Variants in CCDC148 observed in about 807,000 individuals in gnomAD.
CCDC148 encodes the protein coiled-coil domain containing 148.
CCDC148 carries 89 observed loss-of-function variants against 85.7 expected under a neutral mutation model. The observed-to-expected ratio is 1.04, with a 90% confidence interval of 0.87 to 1.24. The LOEUF is 1.24. Ranked by LOEUF, CCDC148 falls within the 50% of genes most tolerant of loss-of-function variation. The probability of loss-of-function intolerance (pLI) is 0.00; values close to 1 mark genes in which losing one functional copy is unlikely to be tolerated. For synonymous variants in CCDC148, 230 were observed against 213.9 expected (o/e 1.08, Z -0.66); for missense variants, 692 against 671.7 (o/e 1.03, Z -0.33).
intron 9 of CCDC148, among the ~76,000 whole-genome samples, chr2:158,295,857 G>T (rs902984268): frequency 1.3e-5 from 2 of 151,776 alleles, no homozygotes; most frequent in Non-Finnish European, 2.9e-5. Context: ...TCAACATAGT[G>T]TTGGAAGTTC....
chr2:158,358,580 A>C lies in CCDC148; in HGVS notation c.26-10T>G. The C allele has an allele frequency of 6.6e-7, 1 of 1,515,630 alleles. No individual in the cohort carries two copies. Among genetic ancestry groups the C allele is most frequent in the South Asian group, 1.3e-5 (1 of 78,994 alleles). 93.9% of individuals were successfully genotyped at this position (1,515,630 alleles called of 1,614,324 possible). ...TGGAATACCAGATTATCTATTAGTC[A>C]TAAAAATAGAAAAATGACAAAGAAA... On this transcript the variant is annotated splice_polypyrimidine_tract_variant and intron_variant, in intron 1 of 13. Transcript: ENST00000283233.
chr2:158,414,694 T>C (rs1227592484), intron 1 of CCDC148, among the ~76,000 whole-genome samples: 1 of 152,190 alleles, frequency 6.6e-6, no homozygotes, highest in Non-Finnish European at 1.5e-5. Context: ...ATGTGCAATG[T>C]TAGAAATGAG....
At position 158,171,734 on chromosome 2, in the gene CCDC148, C is replaced by T. The variant is rs1684329503; in HGVS notation, c.*379G>A. ...GCTTCCATAATTAAAAAGTCAAATT[C>T]TGAAATAACAAGCAGAAATGAACAT... On this transcript the variant is annotated 3_prime_UTR_variant, in exon 14 of 14. Coordinates refer to ENST00000283233, the MANE Select transcript of CCDC148 (RefSeq NM_138803.4). 6.5e-6 allele frequency: 1 copy of T among 152,900 alleles called. No homozygotes were observed. Among genetic ancestry groups the T allele is most frequent in the East Asian group, 1.9e-4 (1 of 5,176 alleles). The allele number at this position is 152,900 out of a possible 1,614,324, so 9.5% of individuals were successfully genotyped here. A position where few individuals can be genotyped will look rare whatever the true frequency, so the allele number is the denominator to read the frequency against.
chr2:158,221,525 G>A (rs1687182765), intron 10 of CCDC148, among the ~76,000 whole-genome samples: 1 of 152,210 alleles, frequency 6.6e-6, no homozygotes, highest in Admixed American at 6.5e-5. Context: ...GCTCTTGCAG[G>A]TGAGTACCTC....
Position 158,357,686 on chromosome 2 carries a change from C to T in CCDC148, c.147+763G>A, listed in dbSNP as rs181729193. Among the ~76,000 whole-genome samples, 394 of 152,118 alleles carry T rather than the reference C, an allele frequency of 2.6e-3. 1 individual carries two copies. The highest frequency in any genetic ancestry group is 4.3e-3 in the Non-Finnish European group (292 of 67,984). ...TGAGGAGATATGTCCCATGAATATACGGTAATCTCTCCAGAATAGAGTATC... is the reference window on the plus strand; with the variant it reads ...TGAGGAGATATGTCCCATGAATATATGGTAATCTCTCCAGAATAGAGTATC... On this transcript the variant is annotated intron_variant, in intron 2 of 13. Transcript: ENST00000283233.
At chr2:158,397,683 T>C (rs1165621339) in intron 1 of CCDC148, among the ~76,000 whole-genome samples, 1 of 152,002 alleles carries the variant, frequency 6.6e-6, no homozygotes, top group Admixed American at 6.6e-5. Flanking sequence ...ACATGCCAAA[T>C]TGTAAAGACC....
intron 1 of CCDC148, among the ~76,000 whole-genome samples, chr2:158,379,562 A>G (rs923346105): frequency 2.0e-5 from 3 of 152,168 alleles, no homozygotes; most frequent in African/African-American, 7.2e-5. Context: ...GAAATCTTTC[A>G]TGAAAGGAAG....
In CCDC148 at chr2:158,310,411, A is replaced by G. The variant is rs533534858; in HGVS notation, c.904-772T>C. 3.9e-4 allele frequency among the ~76,000 whole-genome samples: 60 copies of G among 152,290 alleles called. 1 individual carries two copies. In the South Asian group the frequency reaches 0.012, roughly 31 times the overall value. On this transcript the variant is annotated intron_variant, in intron 8 of 13. Transcript: ENST00000283233. Reference sequence around the variant, plus strand: ...ATGCGACAAAACTGCCATCCTCATCATGGCCCGTTCTCAATGAGCTGTTGG... The same window carrying G: ...ATGCGACAAAACTGCCATCCTCATCGTGGCCCGTTCTCAATGAGCTGTTGG...
chr2:158,345,217 G>A lies in CCDC148; in HGVS notation c.249C>T (p.Val83=). 1.9e-6 allele frequency: 3 copies of A among 1,611,412 alleles called. No homozygotes were observed. The highest frequency in any genetic ancestry group is 2.2e-5 in the East Asian group (1 of 44,726). ...TTACTATGTCCCCCAGTTCTTACCTGACTTCATTCAGCCTCTGGTATTCCT... is the reference window on the plus strand; with the variant it reads ...TTACTATGTCCCCCAGTTCTTACCTAACTTCATTCAGCCTCTGGTATTCCT... The part of the protein sequence containing the change: ...WWQEYQRLNE[V]RCKMESEIKS... The change falls in exon 3 of 14, where the codon GTC becomes GTT. Residue 83 remains valine (V), a splice_region_variant and synonymous_variant. Transcript: ENST00000283233.
chr2:158,182,699 C>T (rs1357834713), intron 11 of CCDC148, among the ~76,000 whole-genome samples: 1 of 152,112 alleles, frequency 6.6e-6, no homozygotes, highest in Non-Finnish European at 1.5e-5. Context: ...ACTTAGGAGA[C>T]ACACTCAAAT....
intron 9 of CCDC148, among the ~76,000 whole-genome samples, chr2:158,290,291 T>G (rs1046093029): frequency 6.6e-6 from 1 of 152,160 alleles, no homozygotes; most frequent in African/African-American, 2.4e-5. Context: ...ATTGTCAGTA[T>G]ACAATCACAT....
At chr2:158,298,542 A>C (rs1284758662) in intron 9 of CCDC148, among the ~76,000 whole-genome samples, 1 of 151,544 alleles carries the variant, frequency 6.6e-6, no homozygotes, top group African/African-American at 2.4e-5. Flanking sequence ...CTCTATTCTC[A>C]CTTTCACTTT....
chr2:158,396,637 C>A lies in CCDC148; in HGVS notation c.26-38067G>T, dbSNP rs193172863. On this transcript the variant is annotated intron_variant, in intron 1 of 13. Transcript: ENST00000283233. Reference sequence around the variant, plus strand: ...CAGGCAATTTGCTTCACCTGCAGAGCCTCAGCATCTTCAACTCTACAAGAG... The same window carrying A: ...CAGGCAATTTGCTTCACCTGCAGAGACTCAGCATCTTCAACTCTACAAGAG... Among the ~76,000 whole-genome samples, 172 of 152,232 alleles carry A rather than the reference C, an allele frequency of 1.1e-3. 1 individual carries two copies. Among genetic ancestry groups the A allele is most frequent in the African/African-American group, 3.9e-3 (163 of 41,558 alleles).
chr2:158,211,329 A>G (rs1009672565), intron 11 of CCDC148, among the ~76,000 whole-genome samples: 4 of 152,240 alleles, frequency 2.6e-5, no homozygotes, highest in Non-Finnish European at 5.9e-5. Flanking sequence ...CACAGCACCT[A>G]GATGTTCTAT....
intron 9 of CCDC148, among the ~76,000 whole-genome samples, chr2:158,297,063 C>A (rs567538405): frequency 6.6e-6 from 1 of 152,198 alleles, no homozygotes; most frequent in Non-Finnish European, 1.5e-5. Flanking sequence ...AAATTCATCA[C>A]TAGCACTGAT....
At chr2:158,400,506 T>G (rs769739818) in intron 1 of CCDC148, among the ~76,000 whole-genome samples, 2 of 152,200 alleles carry the variant, frequency 1.3e-5, no homozygotes, top group African/African-American at 4.8e-5. Context: ...GCTAACCATA[T>G]GCAGAAAGCT....
chr2:158,210,716 G>T (rs1446813633), intron 11 of CCDC148, among the ~76,000 whole-genome samples: 1 of 149,454 alleles, frequency 6.7e-6, no homozygotes, highest in Non-Finnish European at 1.5e-5. Flanking sequence ...GGCCGAGGCA[G>T]GCAGATCACG....
At chr2:158,366,661 A>G (rs541044952) in intron 1 of CCDC148, among the ~76,000 whole-genome samples, 1 of 152,164 alleles carries the variant, frequency 6.6e-6, no homozygotes, top group South Asian at 2.1e-4. Flanking sequence ...GGCCCAATGT[A>G]GGACACTCTG....
At position 158,360,549 on chromosome 2, in the gene CCDC148, C is replaced by T. The variant is rs145346718; in HGVS notation, c.26-1979G>A. Among the ~76,000 whole-genome samples the T allele has an allele frequency of 7.4e-3, 1,128 of 152,232 alleles. 20 individuals carry two copies. Among genetic ancestry groups the T allele is most frequent in the African/African-American group, 0.026 (1,076 of 41,514 alleles). ...GGTAAACAGAGTCTGGAGTGGACCT[C>T]CAGCAAACTCTAGCAGACCTGCAGC... is the stretch of plus-strand genomic sequence containing the variant. On this transcript the variant is annotated intron_variant, in intron 1 of 13. Coordinates refer to ENST00000283233, the MANE Select transcript of CCDC148 (RefSeq NM_138803.4).
Sources: allele counts gnomAD v4.1 joint callset (sites outside exome capture counted in the v4.1 genomes callset), GRCh38; gene constraint gnomAD v4.1.1; transcripts MANE v1.5; gene names NCBI Gene and HGNC (gene_info 2026-07-23, HGNC 2026-07-21).